The following TMEM230 variants were observed in gnomAD, a reference collection of about 807,000 sequenced individuals.
TMEM230 encodes the protein transmembrane protein 230, also known as UPF0414 transmembrane protein C20orf30.
Under a neutral mutation model 15.8 loss-of-function variants are expected in TMEM230, and 10 were observed. That is an observed-to-expected ratio of 0.63 (90% confidence interval 0.39 to 1.07). The LOEUF is 1.07. TMEM230 is among the 50% of genes least tolerant of loss of function. The pLI is 0.01. For synonymous variants in TMEM230, 67 were observed against 76.9 expected, an observed-to-expected ratio of 0.87 and a Z score of 0.68; for missense variants, 165 against 193.3, an observed-to-expected ratio of 0.85 and a Z score of 0.87.
intron 3 of TMEM230, among the ~76,000 whole-genome samples, chr20:5,088,923 C>A (rs2122643147): frequency 6.6e-6 from 1 of 152,218 alleles, no homozygotes; most frequent in Non-Finnish European, 1.5e-5. Context: ...TGGGTGGGAA[C>A]TTAGTATAAT....
At chr20:5,110,024 G>A (rs533946879) in intron 2 of TMEM230, among the ~76,000 whole-genome samples, 1 of 152,222 alleles carries the variant, frequency 6.6e-6, no homozygotes, top group Admixed American at 6.5e-5. Context: ...AAAGTTTCTT[G>A]CCGTAAATTT....
intron 3 of TMEM230, among the ~76,000 whole-genome samples, chr20:5,083,114 G>C (rs2089231315): frequency 6.6e-6 from 1 of 151,706 alleles, no homozygotes; most frequent in Non-Finnish European, 1.5e-5. Context: ...TTTTAGTAGA[G>C]ATGGGGTTTC....
intron 3 of TMEM230, among the ~76,000 whole-genome samples, chr20:5,074,260 A>G (rs77913770): frequency 0.011 from 1,646 of 152,276 alleles, 14 homozygotes; most frequent in Middle Eastern, 0.017. Context: ...GCAGAACATA[A>G]ATTTCCATTT....
intron 4 of TMEM230, among the ~76,000 whole-genome samples, chr20:5,103,895 T>C (rs910619086): frequency 1.6e-4 from 25 of 152,126 alleles, no homozygotes; most frequent in Admixed American, 1.1e-3. Context: ...ATTTCTTGAG[T>C]AATGCCCCCA....
intron 3 of TMEM230, among the ~76,000 whole-genome samples, chr20:5,080,133 T>G (rs995552283): frequency 6.6e-6 from 1 of 152,216 alleles, no homozygotes; most frequent in Non-Finnish European, 1.5e-5. Flanking sequence ...TCTAGTAGAG[T>G]AGAAGTTCTC....
At position 5,083,845 on chromosome 20, in the gene TMEM230, A is replaced by G. The variant is rs553219599; in HGVS notation, c.223-14496T>C. Among the ~76,000 whole-genome samples the G allele has an allele frequency of 6.6e-5, 10 of 152,332 alleles. No individual in the cohort carries two copies. In the East Asian group the frequency reaches 1.9e-3, roughly 29 times the overall value. ...ACTAGGTCTGAAAATTTGGAGGCAT[A>G]AGATCTTTTTCTCTCTCTTTTATTT... On this transcript the variant is annotated intron_variant, in intron 3 of 3. Coordinates refer to the TMEM230 transcript ENST00000612323.
intron 3 of TMEM230, among the ~76,000 whole-genome samples, chr20:5,089,244 A>T (rs1167885471): frequency 6.6e-6 from 1 of 152,108 alleles, no homozygotes; most frequent in Non-Finnish European, 1.5e-5. Context: ...GCGTGGTGGC[A>T]CGCACCTATA....
intron 4 of TMEM230, among the ~76,000 whole-genome samples, chr20:5,104,541 A>C (rs1219289961): frequency 1.3e-5 from 2 of 152,226 alleles, no homozygotes; most frequent in Non-Finnish European, 2.9e-5. Flanking sequence ...AAAGAAAGGA[A>C]ATCAGTTTAT....
intron 4 of TMEM230, among the ~76,000 whole-genome samples, chr20:5,105,686 T>C (rs890095217): frequency 6.6e-6 from 1 of 152,144 alleles, no homozygotes; most frequent in Non-Finnish European, 1.5e-5. Context: ...TGCATGGCTG[T>C]ATCAAAATAC....
chr20:5,100,176 T>A lies in TMEM230; in HGVS notation c.*615A>T. The A allele has an allele frequency of 1.0e-6, 1 of 985,434 alleles. No homozygotes were observed. 61.0% of individuals were successfully genotyped at this position (985,434 alleles called of 1,614,324 possible). A position where few individuals can be genotyped will look rare whatever the true frequency, so the allele number is the denominator to read the frequency against. The stretch of plus-strand genomic sequence containing the variant: ...AATTATATGCTGTCCAACCTACTGG[T>A]GAACTGGATCAGAATGGTCCAAGGA... On this transcript the variant is annotated 3_prime_UTR_variant, in exon 5 of 5. Coordinates refer to ENST00000342308, the MANE Select transcript of TMEM230 (RefSeq NM_001009923.2).
intron 3 of TMEM230, among the ~76,000 whole-genome samples, chr20:5,074,358 G>A (rs982462203): frequency 2.6e-5 from 4 of 151,946 alleles, no homozygotes; most frequent in African/African-American, 4.8e-5. Flanking sequence ...ATGAATCTGC[G>A]TAAATGAACC....
chr20:5,062,312 A>G, the TMEM230 span, among the ~76,000 whole-genome samples: 23 of 151,700 alleles, frequency 1.5e-4, no homozygotes, highest in African/African-American at 5.1e-4. Flanking sequence ...GAGGTGGGAG[A>G]ATTACTTGAG....
At chr20:5,075,742 T>C (rs1019073303) in intron 3 of TMEM230, among the ~76,000 whole-genome samples, 9 of 151,798 alleles carry the variant, frequency 5.9e-5, no homozygotes, top group Non-Finnish European at 1.3e-4. Flanking sequence ...ATAATCATAA[T>C]AAATAAATAA....
intron 3 of TMEM230, among the ~76,000 whole-genome samples, chr20:5,083,791 T>G (rs2089251406): frequency 6.6e-6 from 1 of 152,220 alleles, no homozygotes; most frequent in Non-Finnish European, 1.5e-5. Flanking sequence ...TCTTCAATGT[T>G]TAGTAGAAAA....
At chr20:5,110,244 C>T (rs1415879997) in intron 2 of TMEM230, among the ~76,000 whole-genome samples, 1 of 151,362 alleles carries the variant, frequency 6.6e-6, no homozygotes, top group Non-Finnish European at 1.5e-5. Context: ...TTTTAAGTAA[C>T]GAACTGGTTT....
chr20:5,088,962 G>A (rs2089433728), intron 3 of TMEM230, among the ~76,000 whole-genome samples: 1 of 152,226 alleles, frequency 6.6e-6, no homozygotes, highest in Non-Finnish European at 1.5e-5. Flanking sequence ...TCTGACTGCT[G>A]TGCTGATAAG....
At chr20:5,093,025 A>G (rs1600343670) in intron 3 of TMEM230, among the ~76,000 whole-genome samples, 1 of 152,270 alleles carries the variant, frequency 6.6e-6, no homozygotes, top group East Asian at 1.9e-4. Flanking sequence ...AAGAAATGAC[A>G]GGCCTCCAAA....
chr20:5,067,616 G>T (rs2088691782), downstream of TMEM230, among the ~76,000 whole-genome samples: 1 of 149,950 alleles, frequency 6.7e-6, no homozygotes, highest in South Asian at 2.1e-4. Flanking sequence ...GCTAATTTTT[G>T]TATTTTTAGT....
chr20:5,106,117 A>T (rs182152581), intron 4 of TMEM230, 71 bp downstream of exon 3: 2 of 1,532,142 alleles, frequency 1.3e-6, no homozygotes, highest in African/African-American at 1.4e-5. Context: ...ACACACACAC[A>T]CACGCACACT....
Sources: allele counts gnomAD v4.1 joint callset (sites outside exome capture counted in the v4.1 genomes callset), GRCh38; gene constraint gnomAD v4.1.1; transcripts MANE v1.5; gene names NCBI Gene and HGNC (gene_info 2026-07-23, HGNC 2026-07-21).